The following GRM5 variants were observed in gnomAD, a reference collection of about 807,000 sequenced individuals.
GRM5 encodes glutamate metabotropic receptor 5.
In GRM5, 19 loss-of-function variants were observed where a neutral mutation model predicts 83.1. The observed-to-expected ratio is 0.23, with a 90% CI of 0.16 to 0.34. GRM5 has a LOEUF of 0.34. GRM5 is among the 10% of genes least tolerant of loss of function. GRM5 has a pLI of 1.00. For missense variants in GRM5, 1,160 were observed against 1,588.3 expected (o/e 0.73, Z 4.58); for synonymous variants, 675 against 633.6 (o/e 1.07, Z -0.98).
chr11:88,934,455 G>A (rs969757906), intron 2 of GRM5, among the ~76,000 whole-genome samples: 1 of 151,850 alleles, frequency 6.6e-6, no homozygotes, highest in Non-Finnish European at 1.5e-5. Flanking sequence ...TGCACCAGGT[G>A]AGGGTTAAAT....
At chr11:88,548,324 T>C (rs1252345396) in intron 8 of GRM5, among the ~76,000 whole-genome samples, 2 of 152,206 alleles carry the variant, frequency 1.3e-5, no homozygotes, top group African/African-American at 2.4e-5. Flanking sequence ...AGACAGAATT[T>C]TGAAAATAAA....
intron 3 of GRM5, among the ~76,000 whole-genome samples, chr11:88,748,525 G>C (rs1473580284): frequency 6.6e-6 from 1 of 152,108 alleles, no homozygotes; most frequent in East Asian, 1.9e-4. Context: ...GCAGGCTGTG[G>C]AGAACATAAG....
intron 2 of GRM5, among the ~76,000 whole-genome samples, chr11:89,034,722 C>T (rs1591065659): frequency 6.6e-6 from 1 of 151,650 alleles, no homozygotes; most frequent in East Asian, 1.9e-4. Flanking sequence ...CATTGAAATG[C>T]AAATATCTGT....
intron 4 of GRM5, among the ~76,000 whole-genome samples, chr11:88,624,896 G>A (rs1938749029): frequency 6.6e-6 from 1 of 152,076 alleles, no homozygotes; most frequent in Admixed American, 6.6e-5. Context: ...TAGAGACAGA[G>A]GTAAGATTTT....
chr11:88,922,618 A>G (rs1565293458), intron 2 of GRM5, among the ~76,000 whole-genome samples: 1 of 152,144 alleles, frequency 6.6e-6, no homozygotes, highest in Non-Finnish European at 1.5e-5. Context: ...TTAAGCTACA[A>G]AACTACTAAA....
intron 2 of GRM5, among the ~76,000 whole-genome samples, chr11:88,955,999 C>A (rs1938600252): frequency 6.6e-6 from 1 of 152,112 alleles, no homozygotes; most frequent in Non-Finnish European, 1.5e-5. Context: ...TTTAAAAATT[C>A]AATTGTGAAA....
At chr11:88,758,120 A>G (rs1942435812) in intron 3 of GRM5, among the ~76,000 whole-genome samples, 1 of 152,220 alleles carries the variant, frequency 6.6e-6, no homozygotes, top group South Asian at 2.1e-4. Flanking sequence ...AAGGAACACC[A>G]GCCTACAAAG....
rs531928286 is a variant in GRM5 at position 88,770,976 on chromosome 11, T to C, written c.911+78930A>G. On this transcript the variant is annotated intron_variant, in intron 3 of 9. Coordinates refer to ENST00000305447, the MANE Select transcript of GRM5 (RefSeq NM_001143831.3). ...ATTTAAATGACTTTTCCTCATTTTT[T>C]AGTCACTTAAATCAGACATGTATCC... is the stretch of plus-strand genomic sequence containing the variant. Among the ~76,000 whole-genome samples, 2 of 152,172 alleles carry C rather than the reference T, an allele frequency of 1.3e-5. 1 individual carries two copies.
intron 3 of GRM5, among the ~76,000 whole-genome samples, chr11:88,700,537 T>G (rs895151263): frequency 6.6e-6 from 1 of 152,072 alleles, no homozygotes; most frequent in Non-Finnish European, 1.5e-5. Context: ...GTCTGCATTG[T>G]ACTTCTACTT....
chr11:89,050,135 T>C (rs1941727661), intron 1 of GRM5, among the ~76,000 whole-genome samples: 1 of 152,314 alleles, frequency 6.6e-6, no homozygotes, highest in East Asian at 1.9e-4. Flanking sequence ...CCCCTACATA[T>C]TGAGATACAG....
At chr11:89,017,664 A>G (rs1489823741) in intron 2 of GRM5, among the ~76,000 whole-genome samples, 2 of 152,210 alleles carry the variant, frequency 1.3e-5, no homozygotes, top group Non-Finnish European at 2.9e-5. Context: ...TTTCAGTCCA[A>G]GTGTATCTGA....
At chr11:89,052,301 A>T (rs561948745) in intron 1 of GRM5, among the ~76,000 whole-genome samples, 1 of 152,322 alleles carries the variant, frequency 6.6e-6, no homozygotes, top group African/African-American at 2.4e-5. Context: ...AAGTATAAAT[A>T]TTGCAAAGGT....
Position 88,931,571 on chromosome 11 carries a change from A to G in GRM5, c.662-81416T>C, listed in dbSNP as rs4121349. ...AAACCAAAAGCAGGGCTGGAAAACC[A>G]TGTTGAGGAACTAGCATGAGCAAAG... On this transcript the variant is annotated intron_variant, in intron 2 of 9. Transcript: ENST00000305447. 5.2e-3 allele frequency among the ~76,000 whole-genome samples: 787 copies of G among 152,282 alleles called. 16 individuals are homozygous for G. The East Asian group carries it at 0.07, about 14-fold the overall frequency.
At chr11:88,659,668 G>A (rs1172220170) in intron 3 of GRM5, among the ~76,000 whole-genome samples, 2 of 152,152 alleles carry the variant, frequency 1.3e-5, no homozygotes, top group East Asian at 3.9e-4. Flanking sequence ...AATTATGATA[G>A]GACTTAACAA....
intron 3 of GRM5, among the ~76,000 whole-genome samples, chr11:88,732,461 C>T (rs1941828518): frequency 6.6e-6 from 1 of 152,018 alleles, no homozygotes; most frequent in African/African-American, 2.4e-5. Flanking sequence ...CTATGATGTG[C>T]CACACACTGT....
At chr11:88,709,316 T>C (rs1194481177) in intron 3 of GRM5, among the ~76,000 whole-genome samples, 1 of 151,888 alleles carries the variant, frequency 6.6e-6, no homozygotes, top group African/African-American at 2.4e-5. Flanking sequence ...AATGAGGGGA[T>C]GGACCATGAG....
At chr11:88,868,996 T>A (rs1944718608) in intron 2 of GRM5, among the ~76,000 whole-genome samples, 1 of 151,756 alleles carries the variant, frequency 6.6e-6, no homozygotes, top group Admixed American at 6.6e-5. Flanking sequence ...GCTGCACTAA[T>A]GTCTGCTGTT....
intron 2 of GRM5, among the ~76,000 whole-genome samples, chr11:88,972,029 G>A (rs1386669534): frequency 2.0e-5 from 3 of 152,138 alleles, no homozygotes; most frequent in Non-Finnish European, 4.4e-5. Flanking sequence ...GACACGGCAG[G>A]AGCATCGCCA....
chr11:88,524,646 G>A (rs1204771360), intron 9 of GRM5, among the ~76,000 whole-genome samples: 1 of 152,224 alleles, frequency 6.6e-6, no homozygotes, highest in Non-Finnish European at 1.5e-5. Flanking sequence ...GGAGTGCCTA[G>A]TATAAAAGAA....
Sources: gnomAD v4.1 joint callset for allele counts (sites outside exome capture counted in the v4.1 genomes callset) on GRCh38, gnomAD v4.1.1 for gene constraint, MANE v1.5 for transcripts, NCBI Gene and HGNC (gene_info 2026-07-23, HGNC 2026-07-21) for gene names.